Variants in TMPRSS2 observed in about 807,000 individuals in gnomAD.
TMPRSS2 encodes transmembrane serine protease 2, also known as transmembrane protease serine 2.
A neutral mutation model predicts 67.4 loss-of-function variants in TMPRSS2; 59 were observed. That is an observed-to-expected ratio of 0.88 (90% CI 0.71 to 1.09). The LOEUF (loss-of-function observed/expected upper bound fraction) is 1.09. TMPRSS2 is among the 50% of genes least tolerant of loss of function. The pLI is 0.00. For synonymous variants in TMPRSS2, 257 were observed against 257.0 expected (o/e 1.00, Z 0.00); for missense variants, 668 against 642.7 (o/e 1.04, Z -0.43).
chr21:41,479,106 C>A, intron 7 of TMPRSS2, 66 bp downstream of exon 7: 2 of 1,249,430 alleles, frequency 1.6e-6, no homozygotes, highest in South Asian at 1.2e-5. Context: ...CTCAGGACAA[C>A]GATTCCCCAT....
chr21:41,482,674 A>C (rs1236435294), intron 5 of TMPRSS2, among the ~76,000 whole-genome samples: 2 of 152,218 alleles, frequency 1.3e-5, no homozygotes, highest in African/African-American at 2.4e-5. Flanking sequence ...GTGATTCCAC[A>C]TCCTATCTGT....
At chr21:41,491,470 C>A (rs1017889067) in intron 3 of TMPRSS2, among the ~76,000 whole-genome samples, 3 of 152,114 alleles carry the variant, frequency 2.0e-5, no homozygotes, top group African/African-American at 2.4e-5. Flanking sequence ...CTAACAGGCT[C>A]ACAGATGAGG....
intron 5 of TMPRSS2, 85 bp downstream of exon 5, chr21:41,488,309 G>A: frequency 6.6e-7 from 1 of 1,520,410 alleles, no homozygotes; most frequent in African/African-American, 1.4e-5. Context: ...CGCACGCCAG[G>A]CCCAGTCACC....
chr21:41,502,525 C>A, intron 1 of TMPRSS2: 1 of 985,400 alleles, frequency 1.0e-6, no homozygotes, highest in Non-Finnish European at 1.2e-6. Context: ...CACCACCATC[C>A]ACGGACACAT....
At chr21:41,501,608 C>CAAAA (rs57394908) in intron 1 of TMPRSS2, among the ~76,000 whole-genome samples, 1 of 86,524 alleles carries the variant, frequency 1.2e-5, no homozygotes, top group Non-Finnish European at 2.3e-5. Context: ...GACTCTGTCT[C>CAAAA]AAAAAAAAAA....
intron 6 of TMPRSS2, among the ~76,000 whole-genome samples, chr21:41,479,851 G>A (rs376813060): frequency 7.9e-5 from 12 of 152,136 alleles, no homozygotes; most frequent in East Asian, 1.9e-4. Flanking sequence ...GAGGGCTGCC[G>A]CATCTCCCCA....
intron 11 of TMPRSS2, among the ~76,000 whole-genome samples, chr21:41,470,393 T>A (rs1379117638): frequency 6.6e-6 from 1 of 152,212 alleles, no homozygotes; most frequent in South Asian, 2.1e-4. Flanking sequence ...TAAACTCGTA[T>A]GGCCCAGATA....
rs543548317 is a variant in TMPRSS2 at position 41,508,115 on chromosome 21, C to CCCTCCG, written c.-97_-92dup. ...TCCAGGCGGCGCTCCCCGCCCCTCG[C>CCCTCCG]CCTCCGCCTCCGCCTCCGCCTCCTG... On this transcript the variant is annotated 5_prime_UTR_variant, in exon 1 of 14. Transcript: ENST00000332149. 3,786 of 1,078,606 alleles carry CCCTCCG rather than the reference C, an allele frequency of 3.5e-3. 24 individuals carry two copies. Among genetic ancestry groups the CCCTCCG allele is most frequent in the African/African-American group, 0.01 (603 of 60,184 alleles). The allele number at this position is 1,078,606 out of a possible 1,614,324, so 66.8% of individuals were successfully genotyped here.
intron 5 of TMPRSS2, 71 bp from the exon 6 acceptor site, chr21:41,480,673 C>T: frequency 6.4e-7 from 1 of 1,560,252 alleles, no homozygotes; most frequent in Non-Finnish European, 8.7e-7. Context: ...GAGTCTCGCT[C>T]TGTCACCTAG....
At chr21:41,489,270 C>T (rs1241958751) in intron 4 of TMPRSS2, among the ~76,000 whole-genome samples, 2 of 152,224 alleles carry the variant, frequency 1.3e-5, no homozygotes, top group Admixed American at 6.5e-5. Context: ...AGAACCTGTG[C>T]TCACAGTGCT....
intron 5 of TMPRSS2, among the ~76,000 whole-genome samples, chr21:41,481,843 A>G (rs1282719262): frequency 6.6e-6 from 1 of 152,106 alleles, no homozygotes; most frequent in Admixed American, 6.6e-5. Flanking sequence ...CGGGCAGATC[A>G]CCTGAGGTCA....
intron 5 of TMPRSS2, chr21:41,487,723 AC>A (rs2089151516): frequency 1.3e-5 from 2 of 152,294 alleles, no homozygotes; most frequent in South Asian, 4.1e-4. Flanking sequence ...AGATGAGCCC[AC>A]CCTGTGACAA....
chr21:41,482,935 T>C (rs184767756), intron 5 of TMPRSS2, among the ~76,000 whole-genome samples: 6 of 152,290 alleles, frequency 3.9e-5, no homozygotes, highest in Non-Finnish European at 8.8e-5. Context: ...GAAGATCAGA[T>C]AGCTGGGGTG....
chr21:41,495,868 A>C (rs939346229), intron 2 of TMPRSS2, among the ~76,000 whole-genome samples: 1 of 152,100 alleles, frequency 6.6e-6, no homozygotes, highest in South Asian at 2.1e-4. Context: ...TGAAAAGCCA[A>C]GCATGCAAAC....
Position 41,465,984 on chromosome 21 carries a change from G to T in TMPRSS2, c.*158C>A. On this transcript the variant is annotated 3_prime_UTR_variant, in exon 14 of 14. Transcript: ENST00000332149. ...CTGGGCAGGGGAGCCACTGCAGCCTGCACAGAATGGCAGAGAGTGCCAAAG... is the reference window on the plus strand; with the variant it reads ...CTGGGCAGGGGAGCCACTGCAGCCTTCACAGAATGGCAGAGAGTGCCAAAG... 1 of 881,646 alleles carries T rather than the reference G, an allele frequency of 1.1e-6. No individual in the cohort carries two copies. Among genetic ancestry groups the T allele is most frequent in the Non-Finnish European group, 1.8e-6 (1 of 561,546 alleles). 54.6% of individuals were successfully genotyped at this position (881,646 alleles called of 1,614,324 possible).
chr21:41,498,816 T>C (rs1260677635), intron 1 of TMPRSS2, among the ~76,000 whole-genome samples: 1 of 152,238 alleles, frequency 6.6e-6, no homozygotes, highest in Non-Finnish European at 1.5e-5. Context: ...TGTGAGTTAC[T>C]GAACCTTGTT....
At chr21:41,482,141 T>G (rs976913111) in intron 5 of TMPRSS2, among the ~76,000 whole-genome samples, 2 of 152,136 alleles carry the variant, frequency 1.3e-5, no homozygotes, top group African/African-American at 4.8e-5. Context: ...AGCAACAAAT[T>G]GTCCAGGAGA....
intron 5 of TMPRSS2, among the ~76,000 whole-genome samples, chr21:41,485,552 G>A (rs2091290372): frequency 6.6e-6 from 1 of 151,782 alleles, no homozygotes; most frequent in African/African-American, 2.4e-5. Flanking sequence ...GGGGGGCTGA[G>A]GCTGGGGGAT....
intron 9 of TMPRSS2, among the ~76,000 whole-genome samples, chr21:41,472,915 C>T (rs770234536): frequency 9.2e-5 from 14 of 152,300 alleles, no homozygotes; most frequent in South Asian, 2.1e-4. Context: ...TGGCCAAGAA[C>T]GCTTAACCCC....
Sources: gnomAD v4.1 joint callset for allele counts (sites outside exome capture counted in the v4.1 genomes callset) on GRCh38, gnomAD v4.1.1 for gene constraint, MANE v1.5 for transcripts, NCBI Gene and HGNC (gene_info 2026-07-23, HGNC 2026-07-21) for gene names.